Variants in NR6A1 observed in about 807,000 individuals in gnomAD.
The protein encoded by NR6A1 is nuclear receptor subfamily 6 group A member 1, also known as retinoic acid receptor-related testis-associated receptor.
A neutral mutation model predicts 59.1 loss-of-function variants in NR6A1; 7 were observed. That is an observed-to-expected ratio of 0.12 (90% CI 0.07 to 0.22). The LOEUF is 0.22. Among genes scored for constraint, NR6A1 ranks in the 10% least tolerant of loss-of-function variants. The pLI is 1.00. For missense variants in NR6A1, 468 were observed against 611.6 expected (o/e 0.77, Z 2.48); for synonymous variants, 243 against 236.1 (o/e 1.03, Z -0.27).
chr9:124,626,359 T>C (rs1180133920), intron 2 of NR6A1, among the ~76,000 whole-genome samples: 2 of 152,202 alleles, frequency 1.3e-5, no homozygotes, highest in Non-Finnish European at 2.9e-5. Context: ...AGCCAATTCC[T>C]TAAAATGAAT....
intron 2 of NR6A1, among the ~76,000 whole-genome samples, chr9:124,649,122 A>T (rs1353667655): frequency 6.6e-6 from 1 of 150,926 alleles, no homozygotes; most frequent in African/African-American, 2.4e-5. Flanking sequence ...ACCTCAAAAG[A>T]CCCCAAATAG....
At chr9:124,666,284 T>TTTTTTTTTTTTTTTTTTTTTTTTTTTTG (rs1837612573) in intron 2 of NR6A1, among the ~76,000 whole-genome samples, 1 of 147,418 alleles carries the variant, frequency 6.8e-6, no homozygotes, top group African/African-American at 2.6e-5. Context: ...TCTTTTTTTT[T>TTTTTTTTTTTTTTTTTTTTTTTTTTTTG]TTTTTTTTTT....
intron 1 of NR6A1, among the ~76,000 whole-genome samples, chr9:124,746,745 C>T (rs1290246956): frequency 6.6e-6 from 1 of 152,108 alleles, no homozygotes; most frequent in Non-Finnish European, 1.5e-5. Flanking sequence ...AGAAAAAACT[C>T]CTTTTTTTTA....
chr9:124,720,029 G>A (rs1839521362), intron 2 of NR6A1, among the ~76,000 whole-genome samples: 1 of 152,082 alleles, frequency 6.6e-6, no homozygotes, highest in Non-Finnish European at 1.5e-5. Context: ...GAAATCCAAA[G>A]TTTTTTGAAA....
chr9:124,639,792 C>G (rs1836719858), intron 2 of NR6A1, among the ~76,000 whole-genome samples: 2 of 152,176 alleles, frequency 1.3e-5, no homozygotes, highest in African/African-American at 4.8e-5. Flanking sequence ...ATGCAGAGGT[C>G]TGTGGTCACC....
At chr9:124,718,874 G>C (rs1839481208) in intron 2 of NR6A1, among the ~76,000 whole-genome samples, 1 of 144,522 alleles carries the variant, frequency 6.9e-6, no homozygotes, top group African/African-American at 2.6e-5. Flanking sequence ...GAGTACAGTG[G>C]CGCGATCTTG....
rs998774606 is a variant in NR6A1 at position 124,750,527 on chromosome 9, G to A, written c.101-17178C>T. On this transcript the variant is annotated intron_variant, in intron 1 of 9. Transcript: ENST00000487099. ...TGTAATCCCAGCCCTTTGGGAGGCC[G>A]AGGCAGGCGGATCACGAGGTCAGGA... Among the ~76,000 whole-genome samples the A allele has an allele frequency of 7.2e-5, 11 of 152,282 alleles. No homozygotes were observed. The South Asian group carries it at 1.9e-3, about 26-fold the overall frequency.
chr9:124,725,100 G>A (rs759454226), intron 2 of NR6A1, among the ~76,000 whole-genome samples: 5 of 152,140 alleles, frequency 3.3e-5, no homozygotes, highest in African/African-American at 4.8e-5. Flanking sequence ...CGGTAAACAC[G>A]ACGGCCGAGG....
intron 2 of NR6A1, among the ~76,000 whole-genome samples, chr9:124,610,663 T>C (rs1035941458): frequency 6.6e-6 from 1 of 152,194 alleles, no homozygotes; most frequent in Non-Finnish European, 1.5e-5. Context: ...TGGAATAGTT[T>C]CAGAAGAAAT....
intron 2 of NR6A1, among the ~76,000 whole-genome samples, chr9:124,577,687 C>T (rs1588680923): frequency 6.6e-6 from 1 of 152,218 alleles, no homozygotes; most frequent in East Asian, 1.9e-4. Flanking sequence ...GTATCTGTAA[C>T]ACTCAGTGGT....
chr9:124,668,143 T>C (rs967371586), intron 2 of NR6A1, among the ~76,000 whole-genome samples: 1 of 152,226 alleles, frequency 6.6e-6, no homozygotes, highest in Middle Eastern at 3.2e-3. Flanking sequence ...ATATGTGTTA[T>C]ATATTGTATT....
chr9:124,595,506 C>A (rs900099810), intron 2 of NR6A1, among the ~76,000 whole-genome samples: 2 of 152,072 alleles, frequency 1.3e-5, no homozygotes, highest in African/African-American at 4.8e-5. Context: ...TTAAATTAAT[C>A]CCCTTTCTTC....
intron 2 of NR6A1, among the ~76,000 whole-genome samples, chr9:124,638,988 A>G (rs900090848): frequency 2.6e-5 from 4 of 152,078 alleles, no homozygotes; most frequent in Non-Finnish European, 5.9e-5. Context: ...TACATAGGTA[A>G]GTATAACACA....
chr9:124,558,686 TC>T (rs1445271396), intron 2 of NR6A1, among the ~76,000 whole-genome samples: 4 of 152,110 alleles, frequency 2.6e-5, no homozygotes, highest in African/African-American at 9.7e-5. Context: ...GTGCTATCAC[TC>T]CCTAATAGTC....
At chr9:124,730,922 G>A (rs372848543) in intron 2 of NR6A1, among the ~76,000 whole-genome samples, 1 of 152,134 alleles carries the variant, frequency 6.6e-6, no homozygotes. Flanking sequence ...TTATTTATCT[G>A]TGTATCCCTA....
At chr9:124,542,905 A>T (rs1430887296) in intron 4 of NR6A1, among the ~76,000 whole-genome samples, 1 of 152,114 alleles carries the variant, frequency 6.6e-6, no homozygotes, top group Non-Finnish European at 1.5e-5. Context: ...GTGCCAAGGG[A>T]TTCACCTGAT....
intron 2 of NR6A1, among the ~76,000 whole-genome samples, chr9:124,703,074 T>G (rs1204052368): frequency 6.6e-6 from 1 of 151,842 alleles, no homozygotes; most frequent in African/African-American, 2.4e-5. Flanking sequence ...CCAACTAATT[T>G]TTGTATTCTT....
At chr9:124,588,913 C>T (rs1372573192) in intron 2 of NR6A1, among the ~76,000 whole-genome samples, 4 of 131,684 alleles carry the variant, frequency 3.0e-5, no homozygotes, top group Admixed American at 8.0e-5. Context: ...GAACGAGACT[C>T]TGTCTCAAAA....
chr9:124,596,485 T>C (rs1038190707), intron 2 of NR6A1, among the ~76,000 whole-genome samples: 2 of 152,198 alleles, frequency 1.3e-5, no homozygotes, highest in African/African-American at 2.4e-5. Flanking sequence ...TTTGAAAGAA[T>C]GCAAGAATGC....
Sources: gnomAD v4.1 joint callset for allele counts (sites outside exome capture counted in the v4.1 genomes callset) on GRCh38, gnomAD v4.1.1 for gene constraint, MANE v1.5 for transcripts, NCBI Gene and HGNC (gene_info 2026-07-23, HGNC 2026-07-21) for gene names.